Variants in CRACR2B observed in about 807,000 individuals in gnomAD.
The protein encoded by CRACR2B is EF-hand calcium-binding domain-containing protein 4A.
Under a neutral mutation model 46.0 loss-of-function variants are expected in CRACR2B, and 50 were observed. That is an observed-to-expected ratio of 1.09 (90% CI 0.87 to 1.38). The LOEUF is 1.38. Ranked by LOEUF, CRACR2B falls within the 40% of genes most tolerant of loss-of-function variation. The probability of loss-of-function intolerance (pLI) is 0.00; values close to 1 mark genes in which losing one functional copy is unlikely to be tolerated. For missense variants in CRACR2B, 667 were observed against 535.0 expected, an observed-to-expected ratio of 1.25 and a Z score of -2.43; for synonymous variants, 277 against 239.6, an observed-to-expected ratio of 1.16 and a Z score of -1.44.
chr11:831,906 G>A lies in CRACR2B; in HGVS notation c.*197G>A. On this transcript the variant is annotated 3_prime_UTR_variant, in exon 9 of 9. Coordinates refer to ENST00000525077, the MANE Select transcript of CRACR2B (RefSeq NM_001286606.2). ...AGGGTCCCGTGTGTGCCCTCTGCCAGTCTTCGCTCTGTCCCCGTTCAATCA... is the reference window on the plus strand; with the variant it reads ...AGGGTCCCGTGTGTGCCCTCTGCCAATCTTCGCTCTGTCCCCGTTCAATCA... 4 of 572,974 alleles carry A rather than the reference G, an allele frequency of 7.0e-6. No homozygotes were observed. The highest frequency in any genetic ancestry group is 1.2e-5 in the Non-Finnish European group (4 of 346,178). 35.5% of individuals were successfully genotyped at this position (572,974 alleles called of 1,614,324 possible).
Position 831,555 on chromosome 11 carries a change from G to C in CRACR2B, c.1046G>C (p.Arg349Pro), listed in dbSNP as rs372622300. 35 of 1,598,314 alleles carry C rather than the reference G, an allele frequency of 2.2e-5. No homozygotes were observed. Among genetic ancestry groups the C allele is most frequent in the Middle Eastern group, 1.7e-4 (1 of 6,032 alleles). Reference sequence around the variant, plus strand: ...CCTAGGGAGCTGAATACACGGCTGCGGGATGACAGGGACGCCTGCGAGGCC... The same window carrying C: ...CCTAGGGAGCTGAATACACGGCTGCCGGATGACAGGGACGCCTGCGAGGCC... ...ELLRELNTRL[R>P]DDRDACEARR... Residue 349 changes from arginine to proline, a missense_variant, in exon 9 of 9, where the codon CGG becomes CCG. By Grantham distance (103) the Arg-to-Pro change is moderately radical. Transcript: ENST00000525077.
upstream of CRACR2B, among the ~76,000 whole-genome samples, chr11:826,755 C>A (rs1285955438): frequency 6.6e-6 from 1 of 151,808 alleles, no homozygotes; most frequent in African/African-American, 2.4e-5. Context: ...GAACTCCTGA[C>A]CTCAGGTGAT....
intron 2 of CRACR2B, 66 bp from the exon 3 acceptor site, chr11:829,294 G>A: frequency 2.0e-6 from 3 of 1,530,858 alleles, no homozygotes; most frequent in Non-Finnish European, 2.6e-6. Context: ...TCGTTGGGAG[G>A]GTGAACGGGG....
At position 830,694 on chromosome 11, in the gene CRACR2B, C is replaced by T. The variant is rs1341572352; in HGVS notation, c.767C>T (p.Ala256Val). 1.3e-6 allele frequency: 2 copies of T among 1,539,178 alleles called. No homozygotes were observed. The highest frequency in any genetic ancestry group is 1.7e-6 in the Non-Finnish European group (2 of 1,142,872). ...LQSREQDLER[A>V]GLRQRELEQQ... Reference sequence around the variant, plus strand: ...AGCCGCGAGCAGGACCTGGAACGCGCGGGCCTGCGGCAGCGGGAGGTGAGC... The same window carrying T: ...AGCCGCGAGCAGGACCTGGAACGCGTGGGCCTGCGGCAGCGGGAGGTGAGC... Residue 256 changes from alanine to valine, a missense_variant, in exon 6 of 9, where the codon GCG (alanine) becomes GTG (valine). Transcript: ENST00000525077.
At chr11:827,687 C>A, upstream of CRACR2B, 1 of 299,002 alleles carries the variant, frequency 3.3e-6, no homozygotes, top group Non-Finnish European at 4.9e-6. Flanking sequence ...CAGACTTGCC[C>A]TCTTTGGAGG....
At chr11:827,646 T>G (rs974381179), upstream of CRACR2B, 3 of 567,562 alleles carry the variant, frequency 5.3e-6, no homozygotes, top group Non-Finnish European at 6.7e-6. Context: ...GCAATGGCCC[T>G]GGCCTCTCGT....
chr11:829,990 C>A lies in CRACR2B; in HGVS notation c.463C>A (p.Arg155=). Residue 155 remains arginine, a synonymous_variant, in exon 4 of 9, where the codon CGG becomes AGG. Transcript: ENST00000525077. ...CAGTTCCCGCCCGCCCTCCAGGCAG[C>A]GGGCTGTGAGGACGCTCTGGGCCAG... The part of the protein sequence containing the change: ...LGVAPVLGKQ[R]AVRTLWARLQ... The A allele has an allele frequency of 6.4e-7, 1 of 1,566,796 alleles. No individual in the cohort carries two copies. Among genetic ancestry groups the A allele is most frequent in the Non-Finnish European group, 8.6e-7 (1 of 1,162,920 alleles).
Position 830,617 on chromosome 11 carries a change from C to A in CRACR2B, c.694-4C>A. The A allele has an allele frequency of 1.3e-6, 2 of 1,549,384 alleles. No individual in the cohort carries two copies. Among genetic ancestry groups the A allele is most frequent in the South Asian group, 1.2e-5 (1 of 84,062 alleles). ...GAGGCTCAGTGGTCCTCCGTGCGTCCCAGAACTTCGCCCGCGGGGAGCGGA... is the reference window on the plus strand; with the variant it reads ...GAGGCTCAGTGGTCCTCCGTGCGTCACAGAACTTCGCCCGCGGGGAGCGGA... On this transcript the variant is annotated splice_region_variant and splice_polypyrimidine_tract_variant and intron_variant, in intron 5 of 8. Transcript: ENST00000525077.
Position 828,615 on chromosome 11 carries a change from G to A in CRACR2B, c.8G>A (p.Ser3Asn), listed in dbSNP as rs1846090012. MA[S>N]PGKPGADEAQ... Reference sequence around the variant, plus strand: ...CTGAGGCCCCCTGCTCTCATGGCCAGCCCTGGAAAGCCTGGGGCTGATGAG... The same window carrying A: ...CTGAGGCCCCCTGCTCTCATGGCCAACCCTGGAAAGCCTGGGGCTGATGAG... The change falls in exon 1 of 9, where the codon AGC becomes AAC. Residue 3 changes from serine to asparagine, a missense_variant. Physicochemically the swap from Ser to Asn is conservative, Grantham distance 46 (BLOSUM62 1). Coordinates refer to ENST00000525077, the MANE Select transcript of CRACR2B (RefSeq NM_001286606.2). 1.3e-6 allele frequency: 2 copies of A among 1,594,550 alleles called. No individual in the cohort carries two copies. Among genetic ancestry groups the A allele is most frequent in the African/African-American group, 1.4e-5 (1 of 73,694 alleles).
At chr11:829,300 C>A in intron 2 of CRACR2B, 60 bp from the exon 3 acceptor site, 1 of 1,537,662 alleles carries the variant, frequency 6.5e-7, no homozygotes, top group Non-Finnish European at 8.7e-7. Flanking sequence ...GGAGGGTGAA[C>A]GGGGACACAG....
In CRACR2B at chr11:830,094, G is replaced by C; in HGVS notation, c.567G>C (p.Ala189=). The change falls in exon 4 of 9, where the codon GCG becomes GCC. Residue 189 remains alanine, a synonymous_variant. Coordinates refer to ENST00000525077, the MANE Select transcript of CRACR2B (RefSeq NM_001286606.2). ...LIRASACLEE[A]ARERDGLEQA... The stretch of plus-strand genomic sequence containing the variant: ...GCGCGTCGGCCTGCCTGGAGGAGGC[G>C]GCCCGGGAGCGCGACGGCCTGGAGC... The C allele has an allele frequency of 6.5e-7, 1 of 1,543,030 alleles. No homozygotes were observed. The highest frequency in any genetic ancestry group is 8.7e-7 in the Non-Finnish European group (1 of 1,149,348).
chr11:828,822 G>A (rs750880313), intron 1 of CRACR2B, 30 bp from the exon 2 acceptor site: 139 of 1,611,492 alleles, frequency 8.6e-5, no homozygotes, highest in South Asian at 3.2e-4. Flanking sequence ...TGACCGCAGC[G>A]GCTCATCTCT....
At chr11:828,984 TC>T in intron 2 of CRACR2B, 21 bp downstream of exon 2, 3 of 1,600,538 alleles carry the variant, frequency 1.9e-6, no homozygotes, top group Non-Finnish European at 1.7e-6. Context: ...GGCCTGCCTA[TC>T]CCCCACTGCC....
Position 828,670 on chromosome 11 carries a change from G to C in CRACR2B, c.63G>C (p.Gly21=). Residue 21 remains glycine, a synonymous_variant, in exon 1 of 9, where the codon GGG becomes GGC. Transcript: ENST00000525077. ...AGGAGGAGGAGGGGGAACTCGAGGGGGGCTCTGCAGGGCCGCGGGCTGCAA... is the reference window on the plus strand; with the variant it reads ...AGGAGGAGGAGGGGGAACTCGAGGGCGGCTCTGCAGGGCCGCGGGCTGCAA... ...EAQEEEGELE[G]GSAGPRAAIL... is the part of the protein sequence containing the mutation. The C allele has an allele frequency of 6.2e-7, 1 of 1,608,724 alleles. No individual in the cohort carries two copies. The highest frequency in any genetic ancestry group is 1.3e-5 in the African/African-American group (1 of 74,708).
At position 830,622 on chromosome 11, in the gene CRACR2B, A is replaced by G. The variant is rs1174426558; in HGVS notation, c.695A>G (p.Asn232Ser). 1 of 1,549,066 alleles carries G rather than the reference A, an allele frequency of 6.5e-7. No individual in the cohort carries two copies. Among genetic ancestry groups the G allele is most frequent in the African/African-American group, 1.4e-5 (1 of 73,022 alleles). Residue 232 changes from asparagine (N) to serine (S), a missense_variant and splice_region_variant, in exon 6 of 9, where the codon AAC becomes AGC. By Grantham distance (46) the Asn-to-Ser change is conservative. Coordinates refer to ENST00000525077, the MANE Select transcript of CRACR2B (RefSeq NM_001286606.2). ...REQSRRPPSQ[N>S]FARGERRSRL... is the part of the protein sequence containing the mutation. ...TCAGTGGTCCTCCGTGCGTCCCAGA[A>G]CTTCGCCCGCGGGGAGCGGAGAAGC...
chr11:826,281 CAGGCTG>C (rs1249403255), upstream of CRACR2B: 2 of 151,894 alleles, frequency 1.3e-5, no homozygotes, highest in Admixed American at 6.5e-5. Context: ...GTGCAGGGGC[CAGGCTG>C]GGGCTGGGGC....
At chr11:829,103 G>A (rs762156650) in intron 2 of CRACR2B, 140 bp downstream of exon 2, 19 of 1,296,530 alleles carry the variant, frequency 1.5e-5, no homozygotes, top group Non-Finnish European at 1.9e-5. Context: ...GCACGCACTC[G>A]CGCCTGGGGG....
chr11:826,341 A>C (rs900495374), upstream of CRACR2B: 8 of 152,232 alleles, frequency 5.3e-5, no homozygotes, highest in African/African-American at 1.9e-4. Flanking sequence ...CTCCCCCCAC[A>C]GGAGGGTTTC....
intron 5 of CRACR2B, 135 bp from the exon 6 acceptor site, chr11:830,486 A>C (rs2133919826): frequency 6.5e-7 from 1 of 1,537,346 alleles, no homozygotes. Context: ...ACTGGGCCTC[A>C]CGTATCACCC....
Sources: allele counts gnomAD v4.1 joint callset (sites outside exome capture counted in the v4.1 genomes callset), GRCh38; gene constraint gnomAD v4.1.1; transcripts MANE v1.5; gene names NCBI Gene and HGNC (gene_info 2026-07-23, HGNC 2026-07-21).